Variants in USP35 observed in about 807,000 individuals in gnomAD.
USP35 encodes the protein ubiquitin specific peptidase 35.
In USP35, 69 loss-of-function variants were observed where a neutral mutation model predicts 83.8. That is an observed-to-expected ratio of 0.82 (90% CI 0.68 to 1.01). The LOEUF is 1.01. Ranked by LOEUF, USP35 falls within the 50% of genes least tolerant of loss-of-function variation. The pLI is 0.00. For missense variants in USP35, 1,503 were observed against 1,362.5 expected (o/e 1.10, Z -1.62); for synonymous variants, 714 against 589.5 (o/e 1.21, Z -3.06).
In USP35 at chr11:78,213,968, A is replaced by T; in HGVS notation, c.*155A>T. The T allele has an allele frequency of 1.2e-6, 1 of 812,958 alleles. No homozygotes were observed. 50.4% of individuals were successfully genotyped at this position (812,958 alleles called of 1,614,324 possible). ...AGGGTACACAGAGATTCTCTCAGAT[A>T]TGGAAGTAAGACCTAAGTCCCTTTC... On this transcript the variant is annotated 3_prime_UTR_variant, in exon 11 of 11. Transcript: ENST00000529308.
the USP35 span, chr11:78,225,274 AGTGTG>A: frequency 5.0e-6 from 5 of 1,005,384 alleles, no homozygotes; most frequent in Non-Finnish European, 7.9e-6. Context: ...TACCCTCACC[AGTGTG>A]GTTCAAGGTC....
At chr11:78,222,069 G>A in the USP35 span, 407 of 1,388,210 alleles carry the variant, frequency 2.9e-4, 1 homozygote, top group African/African-American at 5.1e-3. Flanking sequence ...CTAATGGCCC[G>A]ACTCCAAGCT....
chr11:78,212,567 T>C (rs2134421520), intron 10 of USP35, among the ~76,000 whole-genome samples: 1 of 152,224 alleles, frequency 6.6e-6, no homozygotes, highest in East Asian at 1.9e-4. Flanking sequence ...TATCTATCTG[T>C]GAGCATGGAA....
chr11:78,226,423 ACCT>A, the USP35 span: 2 of 1,477,284 alleles, frequency 1.4e-6, no homozygotes, highest in Non-Finnish European at 9.5e-7. Context: ...CCCCTGTGTT[ACCT>A]CCTCCTCCCT....
rs572262671 is a variant in USP35 at position 78,209,846 on chromosome 11, C to T, written c.1991C>T (p.Ser664Phe). ...PTSLYIEGLD[S>F]KEAGGQSSQE... ...AGCCTGTACATCGAAGGCCTGGACTCCAAGGAAGCTGGTGGGCAGAGCAGT... is the reference window on the plus strand; with the variant it reads ...AGCCTGTACATCGAAGGCCTGGACTTCAAGGAAGCTGGTGGGCAGAGCAGT... The change falls in exon 10 of 11, where the codon TCC becomes TTC. Residue 664 changes from serine (S) to phenylalanine (F), a missense_variant. Physicochemically the swap from Ser to Phe is radical, Grantham distance 155. Transcript: ENST00000529308. 3 of 1,612,670 alleles carry T rather than the reference C, an allele frequency of 1.9e-6. No individual in the cohort carries two copies. Among genetic ancestry groups the T allele is most frequent in the East Asian group, 2.2e-5 (1 of 44,784 alleles).
Position 78,209,637 on chromosome 11 carries a change from G to A in USP35, c.1782G>A (p.Thr594=), listed in dbSNP as rs200619583. 358 of 1,614,064 alleles carry A rather than the reference G, an allele frequency of 2.2e-4. 1 individual carries two copies. In the African/African-American group the frequency reaches 3.7e-3, roughly 17 times the overall value. ...TCTCCTCCCGGGAGGAGGCCTTCAC[G>A]GACCTCTCTCTCGCCTTCCCTCCTC... is the stretch of plus-strand genomic sequence containing the variant. The part of the protein sequence containing the change: ...LNVSSREEAF[T]DLSLAFPPPE... Residue 594 remains threonine, a synonymous_variant, in exon 10 of 11, where the codon ACG becomes ACA. Transcript: ENST00000529308.
chr11:78,235,948 A>G, the USP35 span, among the ~76,000 whole-genome samples: 1 of 152,192 alleles, frequency 6.6e-6, no homozygotes, highest in Non-Finnish European at 1.5e-5. Flanking sequence ...AATTAACTGT[A>G]TTAGTCCATT....
At position 78,197,920 on chromosome 11, in the gene USP35, C is replaced by T. The variant is rs769251989; in HGVS notation, c.674-16C>T. 2 of 1,613,406 alleles carry T rather than the reference C, an allele frequency of 1.2e-6. No individual in the cohort carries two copies. The highest frequency in any genetic ancestry group is 1.1e-5 in the South Asian group (1 of 90,968). On this transcript the variant is annotated splice_polypyrimidine_tract_variant and intron_variant, in intron 2 of 10. Transcript: ENST00000529308. ...GCCTGCCTCCCTGCTAAGCTCAGCCCTGTCCCCTGTTCCAGAGGAGGAGCC... is the reference window on the plus strand; with the variant it reads ...GCCTGCCTCCCTGCTAAGCTCAGCCTTGTCCCCTGTTCCAGAGGAGGAGCC...
intron 10 of USP35, among the ~76,000 whole-genome samples, chr11:78,211,879 TC>T (rs1863792955): frequency 6.6e-6 from 1 of 152,220 alleles, no homozygotes; most frequent in Non-Finnish European, 1.5e-5. Context: ...AAATTTTTTT[TC>T]ATTCTGTAGG....
intron 6 of USP35, 102 bp from the exon 7 acceptor site, chr11:78,205,740 T>C: frequency 7.4e-7 from 1 of 1,344,390 alleles, no homozygotes; most frequent in East Asian, 2.3e-5. Flanking sequence ...CTGGGAGGCC[T>C]TGGGGTTGGC....
At chr11:78,212,864 AGG>A (rs1343311092) in intron 10 of USP35, among the ~76,000 whole-genome samples, 1 of 151,704 alleles carries the variant, frequency 6.6e-6, no homozygotes, top group African/African-American at 2.4e-5. Context: ...GTGCTGAAGG[AGG>A]AGTACAGGGA....
chr11:78,200,827 C>T lies in USP35; in HGVS notation c.1197+19C>T. 6.3e-7 allele frequency: 1 copy of T among 1,584,858 alleles called. No homozygotes were observed. The highest frequency in any genetic ancestry group is 8.6e-7 in the Non-Finnish European group (1 of 1,160,740). On this transcript the variant is annotated intron_variant, in intron 6 of 10. Transcript: ENST00000529308. ...CATCAAGGTGAGCGACAGTCCCCTA[C>T]TTGGGCCTTGCCCCACTCTGACAAA...
rs1018319542 is a variant in USP35 at position 78,196,695 on chromosome 11, C to T, written c.450C>T (p.Arg150=). The T allele has an allele frequency of 6.6e-7, 1 of 1,514,514 alleles. No homozygotes were observed. Among genetic ancestry groups the T allele is most frequent in the Non-Finnish European group, 8.8e-7 (1 of 1,137,552 alleles). 93.8% of individuals were successfully genotyped at this position (1,514,514 alleles called of 1,614,324 possible). A position where few individuals can be genotyped will look rare whatever the true frequency, so the allele number is the denominator to read the frequency against. ...ACAQVARLLA[R]HPRCVPDGPH... Reference sequence around the variant, plus strand: ...CGCAGGTGGCACGGCTGCTGGCTCGCCACCCGCGCTGTGTGCCCGACGGAC... The same window carrying T: ...CGCAGGTGGCACGGCTGCTGGCTCGTCACCCGCGCTGTGTGCCCGACGGAC... Residue 150 remains arginine (R), a synonymous_variant, in exon 2 of 11, where the codon CGC becomes CGT. Coordinates refer to ENST00000529308, the MANE Select transcript of USP35 (RefSeq NM_020798.4). This position sits in a 1 kb window ranked among gnomAD's most constrained non-coding sequence, Gnocchi z 4.8.
chr11:78,213,619 T>TAA (rs747571151), intron 10 of USP35, 27 bp from the exon 11 acceptor site: 16 of 1,458,188 alleles, frequency 1.1e-5, no homozygotes, highest in Middle Eastern at 1.8e-4. Context: ...ATTCTAAGTC[T>TAA]AAGTCTCCTC....
At chr11:78,211,415 C>T (rs1039567415) in intron 10 of USP35, among the ~76,000 whole-genome samples, 1 of 152,122 alleles carries the variant, frequency 6.6e-6, no homozygotes, top group East Asian at 1.9e-4. Context: ...AGTGAACATA[C>T]ATGTGCATGT....
At chr11:78,236,388 G>A in the USP35 span, among the ~76,000 whole-genome samples, 4 of 152,076 alleles carry the variant, frequency 2.6e-5, no homozygotes, top group Non-Finnish European at 5.9e-5. Context: ...TGAGCTCCAG[G>A]TATCCACCTG....
In USP35 at chr11:78,208,896, T is replaced by A; in HGVS notation, c.1525T>A (p.Trp509Arg). The A allele has an allele frequency of 6.2e-7, 1 of 1,614,222 alleles. No individual in the cohort carries two copies. Among genetic ancestry groups the A allele is most frequent in the Non-Finnish European group, 8.5e-7 (1 of 1,180,030 alleles). ...ISPENFLSASWTPWFSPGTQQ... is the reference protein window; with the variant it reads ...ISPENFLSASRTPWFSPGTQQ... ...CCCAGAGAACTTCCTCTCCGCATCC[T>A]GGACGCCCTGGTTCAGCCCTGGCAC... Residue 509 changes from tryptophan to arginine, a missense_variant, in exon 9 of 11, where the codon TGG (tryptophan) becomes AGG (arginine). Coordinates refer to ENST00000529308, the MANE Select transcript of USP35 (RefSeq NM_020798.4).
downstream of USP35, chr11:78,219,174 A>G (rs180972993): frequency 3.7e-3 from 4,153 of 1,127,162 alleles, 13 homozygotes; most frequent in Non-Finnish European, 4.5e-3. Flanking sequence ...CAGAGTAGAG[A>G]GGAGGTGGAT....
downstream of USP35, chr11:78,219,263 GC>G: frequency 6.2e-7 from 1 of 1,612,026 alleles, no homozygotes; most frequent in East Asian, 2.2e-5. Flanking sequence ...CTCTGCGGTG[GC>G]CCTCTCATCA....
Sources: gnomAD v4.1 joint callset for allele counts (sites outside exome capture counted in the v4.1 genomes callset) on GRCh38, gnomAD v4.1.1 for gene constraint, Gnocchi (gnomAD v3.1) non-coding constraint, MANE v1.5 for transcripts, NCBI Gene and HGNC (gene_info 2026-07-23, HGNC 2026-07-21) for gene names.